Variants in NAALADL2 observed in about 807,000 individuals in gnomAD.
The protein encoded by NAALADL2 is inactive N-acetylated-alpha-linked acidic dipeptidase-like protein 2.
In NAALADL2, 76 loss-of-function variants were observed where a neutral mutation model predicts 87.2. The observed-to-expected ratio is 0.87, with a 90% confidence interval of 0.72 to 1.05. The LOEUF (loss-of-function observed/expected upper bound fraction) is 1.05, where lower values mean the gene tolerates loss of function less well. Ranked by LOEUF, NAALADL2 falls within the 50% of genes least tolerant of loss-of-function variation. NAALADL2 has a pLI of 0.00. For missense variants in NAALADL2, 1,089 were observed against 945.8 expected (o/e 1.15, Z -1.99); for synonymous variants, 354 against 331.0 (o/e 1.07, Z -0.75).
At chr3:175,434,421 CAAAGATCTG>C (rs1306713256) in intron 5 of NAALADL2, among the ~76,000 whole-genome samples, 1 of 151,958 alleles carries the variant, frequency 6.6e-6, no homozygotes, top group Non-Finnish European at 1.5e-5. Context: ...CAGGAAACTG[CAAAGATCTG>C]AGAAGTACTT....
At chr3:175,489,935 A>T (rs886739954) in intron 9 of NAALADL2, among the ~76,000 whole-genome samples, 4 of 152,182 alleles carry the variant, frequency 2.6e-5, no homozygotes, top group African/African-American at 9.7e-5. Flanking sequence ...CTTTTAGGAA[A>T]GTAACACCTA....
chr3:174,967,459 C>G (rs1327721406), intron 1 of NAALADL2, among the ~76,000 whole-genome samples: 1 of 151,818 alleles, frequency 6.6e-6, no homozygotes, highest in Admixed American at 6.6e-5. Context: ...GACTTTGTTG[C>G]TCCTGTCTCA....
At chr3:175,275,496 A>C (rs1402577443) in intron 4 of NAALADL2, among the ~76,000 whole-genome samples, 2 of 152,068 alleles carry the variant, frequency 1.3e-5, no homozygotes, top group Non-Finnish European at 1.5e-5. Flanking sequence ...TTTGTATCTT[A>C]TGGGGCAACA....
chr3:175,579,965 CT>C (rs1291937842), intron 10 of NAALADL2, among the ~76,000 whole-genome samples: 1 of 152,164 alleles, frequency 6.6e-6, no homozygotes, highest in Non-Finnish European at 1.5e-5. Flanking sequence ...TAACCTTATA[CT>C]TTTCGCTGTT....
At chr3:174,909,664 G>A (rs1733436999) in intron 1 of NAALADL2, among the ~76,000 whole-genome samples, 2 of 152,094 alleles carry the variant, frequency 1.3e-5, no homozygotes, top group South Asian at 2.1e-4. Flanking sequence ...GCTCTGTCAC[G>A]TTCTAGCTAT....
chr3:174,787,616 TATA>T (rs1445977449), intron 3 of NAALADL2, among the ~76,000 whole-genome samples: 2 of 118,458 alleles, frequency 1.7e-5, no homozygotes, highest in Non-Finnish European at 3.7e-5. Flanking sequence ...TATATATATA[TATA>T]TAGTAGTGAC....
chr3:175,454,797 C>T (rs1261253768), intron 6 of NAALADL2, among the ~76,000 whole-genome samples: 1 of 152,004 alleles, frequency 6.6e-6, no homozygotes, highest in Non-Finnish European at 1.5e-5. Flanking sequence ...TAAGCAAAAT[C>T]TTCTCTTCCT....
chr3:175,510,825 C>T (rs1218168769), intron 9 of NAALADL2, among the ~76,000 whole-genome samples: 1 of 152,158 alleles, frequency 6.6e-6, no homozygotes, highest in Non-Finnish European at 1.5e-5. Context: ...AAACCCCTTT[C>T]ATCACCCCTA....
At chr3:175,088,776 C>A (rs1344694020) in intron 1 of NAALADL2, among the ~76,000 whole-genome samples, 2 of 152,164 alleles carry the variant, frequency 1.3e-5, no homozygotes, top group East Asian at 3.9e-4. Flanking sequence ...TGCAGTGTAT[C>A]TATCAAGCTA....
At chr3:175,628,481 C>T (rs889782653) in intron 11 of NAALADL2, among the ~76,000 whole-genome samples, 88 of 148,928 alleles carry the variant, frequency 5.9e-4, no homozygotes, top group African/African-American at 2.1e-3. Flanking sequence ...ATTTAATGTT[C>T]CTGACATCAC....
chr3:174,687,130 C>T (rs1008836377), intron 2 of NAALADL2, among the ~76,000 whole-genome samples: 1 of 152,068 alleles, frequency 6.6e-6, no homozygotes. Context: ...TCTCCTAATC[C>T]TCTCCACCAA....
intron 1 of NAALADL2, among the ~76,000 whole-genome samples, chr3:174,874,125 G>A (rs1216423881): frequency 6.6e-6 from 1 of 152,048 alleles, no homozygotes; most frequent in Non-Finnish European, 1.5e-5. Context: ...TAAACAGAGT[G>A]GATGGTAGTA....
At chr3:175,721,070 A>C (rs1213855043) in intron 11 of NAALADL2, among the ~76,000 whole-genome samples, 1 of 152,100 alleles carries the variant, frequency 6.6e-6, no homozygotes, top group African/African-American at 2.4e-5. Flanking sequence ...AGAAAATATC[A>C]GACAATGTAA....
At chr3:175,151,796 T>C (rs937129553) in intron 2 of NAALADL2, among the ~76,000 whole-genome samples, 8 of 152,166 alleles carry the variant, frequency 5.3e-5, no homozygotes, top group African/African-American at 1.9e-4. Flanking sequence ...ATGGATTAAA[T>C]AATAGTAACA....
intron 3 of NAALADL2, among the ~76,000 whole-genome samples, chr3:174,765,143 C>CACACATGAGA (rs150906568): frequency 1.6e-5 from 2 of 124,552 alleles, no homozygotes; most frequent in African/African-American, 6.8e-5. Context: ...CACACACACA[C>CACACATGAGA]GAGAGAGAGA....
intron 1 of NAALADL2, among the ~76,000 whole-genome samples, chr3:174,545,482 A>T (rs1722647943): frequency 6.6e-6 from 1 of 152,096 alleles, no homozygotes; most frequent in Admixed American, 6.5e-5. Flanking sequence ...TGATCGTTTG[A>T]TTTAACATAG....
chr3:174,900,859 C>T (rs1252756473), intron 1 of NAALADL2, among the ~76,000 whole-genome samples: 1 of 151,866 alleles, frequency 6.6e-6, no homozygotes, highest in Admixed American at 6.6e-5. Context: ...AAGTAAAATA[C>T]ATATCAGTAA....
chr3:174,729,614 TATG>T (rs1452095262), intron 2 of NAALADL2, among the ~76,000 whole-genome samples: 2 of 152,218 alleles, frequency 1.3e-5, no homozygotes, highest in East Asian at 1.9e-4. Flanking sequence ...GGTAATTAAA[TATG>T]ATCCTAACTA....
intron 3 of NAALADL2, among the ~76,000 whole-genome samples, chr3:174,797,879 C>G (rs1227518357): frequency 6.6e-6 from 1 of 152,022 alleles, no homozygotes; most frequent in Non-Finnish European, 1.5e-5. Flanking sequence ...TTGAAATAGT[C>G]TATTTTTTGG....
Sources: gnomAD v4.1 joint callset for allele counts (sites outside exome capture counted in the v4.1 genomes callset) on GRCh38, gnomAD v4.1.1 for gene constraint, MANE v1.5 for transcripts, NCBI Gene and HGNC (gene_info 2026-07-23, HGNC 2026-07-21) for gene names.